The following SENP6 variants were observed in gnomAD, a reference collection of about 807,000 sequenced individuals.
SENP6 encodes SUMO specific peptidase 6.
SENP6 carries 41 observed loss-of-function variants against 134.5 expected under a neutral mutation model. That is an observed-to-expected ratio of 0.30 (90% CI 0.24 to 0.40). The LOEUF is 0.40. Ranked by LOEUF, SENP6 falls within the 10% of genes least tolerant of loss-of-function variation. The pLI is 1.00. For synonymous variants in SENP6, 395 were observed against 429.8 expected (o/e 0.92, Z 1.00); for missense variants, 1,248 against 1,312.5 (o/e 0.95, Z 0.76).
At chr6:75,685,944 T>C (rs978057751) in intron 16 of SENP6, among the ~76,000 whole-genome samples, 5 of 152,188 alleles carry the variant, frequency 3.3e-5, no homozygotes, top group Non-Finnish European at 5.9e-5. Flanking sequence ...AATTCCTGGG[T>C]ATCCTTCTTC....
At chr6:75,622,970 T>C (rs1377724688) in intron 2 of SENP6, 3 of 302,874 alleles carry the variant, frequency 9.9e-6, no homozygotes, top group African/African-American at 6.6e-5. Flanking sequence ...CATATAGTTT[T>C]GAAAAATTAG....
intron 17 of SENP6, among the ~76,000 whole-genome samples, chr6:75,696,461 T>C (rs1774671238): frequency 6.6e-6 from 1 of 152,120 alleles, no homozygotes; most frequent in Non-Finnish European, 1.5e-5. Flanking sequence ...GAAATACTAT[T>C]GTACATAGTA....
intron 1 of SENP6, chr6:75,612,070 A>C (rs544877005): frequency 6.6e-6 from 1 of 152,226 alleles, no homozygotes; most frequent in Non-Finnish European, 1.5e-5. Context: ...GACTTGAGAA[A>C]GGCTTAGCTA....
intron 7 of SENP6, among the ~76,000 whole-genome samples, chr6:75,650,343 TTAA>T (rs1770774863): frequency 6.6e-6 from 1 of 152,204 alleles, no homozygotes; most frequent in Non-Finnish European, 1.5e-5. Flanking sequence ...CCCTTGGTGC[TTAA>T]TAAAGATTTT....
intron 6 of SENP6, 50 bp from the exon 7 acceptor site, chr6:75,647,681 T>C: frequency 7.5e-7 from 1 of 1,332,450 alleles, no homozygotes; most frequent in South Asian, 1.2e-5. Context: ...TTTTTCATTT[T>C]GAAAACTGTA....
At chr6:75,636,056 C>G (rs1000031997) in intron 5 of SENP6, among the ~76,000 whole-genome samples, 1 of 151,632 alleles carries the variant, frequency 6.6e-6, no homozygotes, top group Non-Finnish European at 1.5e-5. Flanking sequence ...TAAAAAAAAA[C>G]AACCCGTTAA....
At position 75,633,739 on chromosome 6, in the gene SENP6, C is replaced by T; in HGVS notation, c.353+13C>T. 3.2e-6 allele frequency: 5 copies of T among 1,586,514 alleles called. No homozygotes were observed. The highest frequency in any genetic ancestry group is 3.4e-6 in the Non-Finnish European group (4 of 1,170,626). On this transcript the variant is annotated intron_variant, in intron 4 of 23. Transcript: ENST00000447266. ...ATAAGAAATTGAGGTATAGGCACTT[C>T]ACCACACATTCCTACAGAAAAGATA...
intron 2 of SENP6, 35 bp downstream of exon 2, chr6:75,621,660 G>T: frequency 8.0e-7 from 1 of 1,249,766 alleles, no homozygotes; most frequent in South Asian, 1.3e-5. Context: ...TGTTTTATAA[G>T]AATAAAACTT....
chr6:75,603,115 T>C (rs796366136), intron 1 of SENP6, among the ~76,000 whole-genome samples: 12 of 152,160 alleles, frequency 7.9e-5, no homozygotes, highest in African/African-American at 2.4e-4. Context: ...GAATGTGTTT[T>C]TATAAAAATA....
At chr6:75,703,293 CA>C (rs77922692) in intron 19 of SENP6, among the ~76,000 whole-genome samples, 2 of 149,098 alleles carry the variant, frequency 1.3e-5, no homozygotes, top group Non-Finnish European at 1.5e-5. Context: ...CAATCTCCAA[CA>C]AAAAAAAATA....
At chr6:75,658,974 C>A (rs28695234) in intron 7 of SENP6, among the ~76,000 whole-genome samples, 11,272 of 72,112 alleles carry the variant, frequency 0.16, 1,169 homozygotes, top group South Asian at 0.21. Context: ...CTTGTCTCCC[C>A]AAAAAAAAAA....
rs35016433 is a variant in SENP6, at chr6:75,658,974, CAAAAAAAAAAAAA to C, written c.551-274_551-262del. On this transcript the variant is annotated intron_variant, in intron 7 of 23. Transcript: ENST00000447266. ...GTGACAGAATGAGACCTTGTCTCCC[CAAAAAAAAAAAAA>C]AAAAAAAAAAAAAGGGGAATTGTGA... Among the ~76,000 whole-genome samples the C allele has an allele frequency of 9.7e-5, 7 of 71,944 alleles. No homozygotes were observed. The East Asian group carries it at 1.6e-3, about 16-fold the overall frequency. The allele number at this position is 71,944 out of a possible 152,430, so 47.2% of individuals were successfully genotyped here.
At chr6:75,699,714 T>C (rs1774904717) in intron 18 of SENP6, among the ~76,000 whole-genome samples, 1 of 152,038 alleles carries the variant, frequency 6.6e-6, no homozygotes, top group African/African-American at 2.4e-5. Flanking sequence ...GGTCTCAAAC[T>C]CCAGAGCCGA....
chr6:75,632,967 C>T (rs1769223196), intron 3 of SENP6, among the ~76,000 whole-genome samples: 1 of 152,054 alleles, frequency 6.6e-6, no homozygotes, highest in East Asian at 1.9e-4. Flanking sequence ...CAACAGTTGT[C>T]TCTGAATTTT....
chr6:75,635,140 A>C (rs1045519137), intron 5 of SENP6: 7 of 360,326 alleles, frequency 1.9e-5, no homozygotes, highest in African/African-American at 1.5e-4. Flanking sequence ...AGCTCTGAAG[A>C]GTAAAATTAC....
chr6:75,649,031 G>T (rs564323712), intron 7 of SENP6, among the ~76,000 whole-genome samples: 22 of 152,196 alleles, frequency 1.4e-4, no homozygotes, highest in African/African-American at 2.6e-4. Flanking sequence ...TTCTGGCCTG[G>T]TATGGTGGCT....
chr6:75,612,566 G>T (rs1445832953), intron 1 of SENP6, among the ~76,000 whole-genome samples: 2 of 152,020 alleles, frequency 1.3e-5, no homozygotes, highest in African/African-American at 4.8e-5. Flanking sequence ...CTGGCCTCAA[G>T]CAATCCTCTT....
chr6:75,675,099 A>G (rs1772982908), intron 11 of SENP6, among the ~76,000 whole-genome samples: 1 of 152,090 alleles, frequency 6.6e-6, no homozygotes, highest in Non-Finnish European at 1.5e-5. Flanking sequence ...GTGATGGGAA[A>G]CCATTGAGTG....
At chr6:75,698,809 A>G (rs1774825173) in intron 18 of SENP6, among the ~76,000 whole-genome samples, 2 of 151,978 alleles carry the variant, frequency 1.3e-5, no homozygotes, top group Admixed American at 1.3e-4. Context: ...TCAGGGGTTC[A>G]AGACCAACCT....
Sources: allele counts gnomAD v4.1 joint callset (sites outside exome capture counted in the v4.1 genomes callset), GRCh38; gene constraint gnomAD v4.1.1; transcripts MANE v1.5; gene names NCBI Gene and HGNC (gene_info 2026-07-23, HGNC 2026-07-21).